SLC35F1: variants seen among roughly 807,000 people sequenced by gnomAD.
SLC35F1 encodes chromosome 6 open reading frame 169.
In SLC35F1, 14 loss-of-function variants were observed where a neutral mutation model predicts 48.7. That is an observed-to-expected ratio of 0.29 (90% CI 0.19 to 0.45). SLC35F1 has a LOEUF of 0.45. Among genes scored for constraint, SLC35F1 ranks in the 20% least tolerant of loss-of-function variants. The pLI, the probability that SLC35F1 is intolerant of heterozygous loss-of-function variation, is 1.00. For synonymous variants in SLC35F1, 190 were observed against 202.2 expected (o/e 0.94, Z 0.51); for missense variants, 404 against 500.0 (o/e 0.81, Z 1.83).
intron 1 of SLC35F1, among the ~76,000 whole-genome samples, chr6:118,132,999 A>G (rs1773737974): frequency 6.6e-6 from 1 of 152,158 alleles, no homozygotes; most frequent in South Asian, 2.1e-4. Flanking sequence ...TGGAGGAAGG[A>G]AGAGGGTTGA....
chr6:118,080,439 T>C (rs1772889130), intron 1 of SLC35F1, among the ~76,000 whole-genome samples: 3 of 152,210 alleles, frequency 2.0e-5, no homozygotes, highest in Admixed American at 1.3e-4. Context: ...TTTTCAGATA[T>C]GATGAGTATT....
chr6:118,007,338 A>G (rs1266327059), intron 1 of SLC35F1, among the ~76,000 whole-genome samples: 1 of 152,192 alleles, frequency 6.6e-6, no homozygotes, highest in Non-Finnish European at 1.5e-5. Context: ...CACATTGGGA[A>G]TTAAATTTTA....
intron 1 of SLC35F1, among the ~76,000 whole-genome samples, chr6:118,026,033 G>C (rs1045711829): frequency 1.3e-5 from 2 of 152,124 alleles, no homozygotes; most frequent in East Asian, 1.9e-4. Context: ...TGGGAGATTC[G>C]AGGATGATTC....
intron 1 of SLC35F1, among the ~76,000 whole-genome samples, chr6:118,045,550 A>T (rs1446807880): frequency 6.6e-6 from 1 of 151,810 alleles, no homozygotes; most frequent in African/African-American, 2.4e-5. Flanking sequence ...TGCCTCTCAC[A>T]CTCCTTTCTC....
intron 1 of SLC35F1, among the ~76,000 whole-genome samples, chr6:118,034,657 T>C (rs1227710088): frequency 6.6e-6 from 1 of 152,184 alleles, no homozygotes; most frequent in East Asian, 1.9e-4. Flanking sequence ...TTCTCTGCTA[T>C]AGAACAAAAT....
At chr6:117,909,449 G>A (rs1386498991) in intron 1 of SLC35F1, among the ~76,000 whole-genome samples, 1 of 152,018 alleles carries the variant, frequency 6.6e-6, no homozygotes, top group Non-Finnish European at 1.5e-5. Context: ...CTGATTCCAT[G>A]TAGGTTATTT....
intron 1 of SLC35F1, among the ~76,000 whole-genome samples, chr6:117,931,073 G>T (rs577787878): frequency 6.6e-6 from 1 of 152,078 alleles, no homozygotes; most frequent in Admixed American, 6.6e-5. Flanking sequence ...CACCTGGCCC[G>T]TGGTTAGTTT....
rs533618381 is a variant in SLC35F1 at position 118,203,716 on chromosome 6, T to G, written c.350-31793T>G. 2.7e-4 allele frequency among the ~76,000 whole-genome samples: 41 copies of G among 152,326 alleles called. No individual in the cohort carries two copies. The South Asian group carries it at 7.2e-3, about 27-fold the overall frequency. On this transcript the variant is annotated intron_variant, in intron 2 of 7. Transcript: ENST00000360388. Reference sequence around the variant, plus strand: ...AAAAAAACTGCAAACTGTCTGTTACTCCTCACTGAATATCCATGTAATCCA... The same window carrying G: ...AAAAAAACTGCAAACTGTCTGTTACGCCTCACTGAATATCCATGTAATCCA...
At chr6:118,061,163 G>T (rs974656569) in intron 1 of SLC35F1, among the ~76,000 whole-genome samples, 2 of 152,206 alleles carry the variant, frequency 1.3e-5, no homozygotes, top group African/African-American at 4.8e-5. Context: ...AACATAAAAA[G>T]GAGGAGAATG....
chr6:118,309,240 GGTGTA>G (rs2114669798), intron 7 of SLC35F1, among the ~76,000 whole-genome samples: 1 of 151,716 alleles, frequency 6.6e-6, no homozygotes, highest in East Asian at 1.9e-4. Flanking sequence ...AGCTTACCCA[GGTGTA>G]GTGTAGTGGC....
At position 118,023,412 on chromosome 6, in the gene SLC35F1, G is replaced by A. The variant is rs577152277; in HGVS notation, c.173+115513G>A. 3.0e-3 allele frequency among the ~76,000 whole-genome samples: 460 copies of A among 152,252 alleles called. 1 individual carries two copies. Among genetic ancestry groups the A allele is most frequent in the Non-Finnish European group, 5.3e-3 (360 of 68,032 alleles). On this transcript the variant is annotated intron_variant, in intron 1 of 7. Transcript: ENST00000360388. ...GGCCTGTGAAGCTGGTTTGGCAATA[G>A]GGAATCCTTATGGGGATTGGCAGAA...
intron 1 of SLC35F1, among the ~76,000 whole-genome samples, chr6:117,952,311 A>G (rs1489199189): frequency 6.6e-6 from 1 of 152,028 alleles, no homozygotes; most frequent in Non-Finnish European, 1.5e-5. Context: ...TGTTCAATCA[A>G]TTTTTCCTCT....
chr6:118,206,596 G>A (rs552362474), intron 2 of SLC35F1, among the ~76,000 whole-genome samples: 4 of 152,306 alleles, frequency 2.6e-5, no homozygotes, highest in South Asian at 4.1e-4. Context: ...TTTAGGCCAC[G>A]TGGGAGAATG....
At chr6:118,222,848 C>CT (rs1405106014) in intron 2 of SLC35F1, among the ~76,000 whole-genome samples, 1 of 152,212 alleles carries the variant, frequency 6.6e-6, no homozygotes, top group Admixed American at 6.5e-5. Flanking sequence ...CCCTAGTAGT[C>CT]TTTGAGTGCC....
At chr6:118,275,687 G>A in intron 5 of SLC35F1, 72 bp downstream of exon 5, 1 of 1,483,610 alleles carries the variant, frequency 6.7e-7, no homozygotes, top group African/African-American at 1.4e-5. Context: ...TTTTGTTCTT[G>A]GGATGTAAAA....
chr6:118,124,869 C>G (rs1002352771), intron 1 of SLC35F1, among the ~76,000 whole-genome samples: 3 of 152,148 alleles, frequency 2.0e-5, no homozygotes, highest in Non-Finnish European at 4.4e-5. Flanking sequence ...TTCTTTATGA[C>G]TTCTGACCTA....
intron 2 of SLC35F1, among the ~76,000 whole-genome samples, chr6:118,210,649 C>T (rs205917): frequency 0.077 from 11,760 of 152,138 alleles, 574 homozygotes; most frequent in African/African-American, 0.13. Context: ...TCCACCTCAG[C>T]TCTAGCCTTT....
chr6:118,109,298 C>CCA (rs1773366486), intron 1 of SLC35F1, among the ~76,000 whole-genome samples: 1 of 152,140 alleles, frequency 6.6e-6, no homozygotes, highest in Admixed American at 6.6e-5. Flanking sequence ...AGCCCATTGG[C>CCA]CACAATCAAG....
At chr6:117,923,921 CAT>C (rs764580974) in intron 1 of SLC35F1, among the ~76,000 whole-genome samples, 56 of 149,148 alleles carry the variant, frequency 3.8e-4, no homozygotes, top group Admixed American at 3.3e-3. Context: ...TACATATATA[CAT>C]ATGTGTTATG....
Sources: allele counts gnomAD v4.1 joint callset (sites outside exome capture counted in the v4.1 genomes callset), GRCh38; gene constraint gnomAD v4.1.1; transcripts MANE v1.5; gene names NCBI Gene and HGNC (gene_info 2026-07-23, HGNC 2026-07-21).